Variants in ULK4 observed in about 807,000 individuals in gnomAD.
ULK4 encodes the protein inactive serine/threonine-protein kinase ULK4.
A neutral mutation model predicts 160.6 loss-of-function variants in ULK4; 133 were observed. The observed-to-expected ratio is 0.83, with a 90% CI of 0.72 to 0.96. The LOEUF is 0.96. Among genes scored for constraint, ULK4 ranks in the 40% least tolerant of loss-of-function variants. The pLI, the probability that ULK4 is intolerant of heterozygous loss-of-function variation, is 0.00. For missense variants in ULK4, 1,580 were observed against 1,499.5 expected (o/e 1.05, Z -0.89); for synonymous variants, 534 against 539.8 (o/e 0.99, Z 0.15).
At chr3:41,813,093 G>A (rs1575753272) in intron 19 of ULK4, among the ~76,000 whole-genome samples, 1 of 152,166 alleles carries the variant, frequency 6.6e-6, no homozygotes, top group East Asian at 1.9e-4. Context: ...ATTTAAAAAT[G>A]TGAGGTTCAA....
intron 32 of ULK4, 58 bp downstream of exon 32, chr3:41,565,967 A>G: frequency 1.5e-6 from 2 of 1,345,758 alleles, no homozygotes; most frequent in Non-Finnish European, 2.1e-6. Context: ...CACGCTATAT[A>G]AGATGAAGAA....
At chr3:41,802,781 T>G (rs928183232) in intron 19 of ULK4, among the ~76,000 whole-genome samples, 2 of 152,198 alleles carry the variant, frequency 1.3e-5, no homozygotes, top group African/African-American at 2.4e-5. Context: ...TGATACAAAG[T>G]TCTAACATAC....
At chr3:41,839,688 CAA>C (rs2041856528) in intron 17 of ULK4, among the ~76,000 whole-genome samples, 1 of 151,772 alleles carries the variant, frequency 6.6e-6, no homozygotes, top group Non-Finnish European at 1.5e-5. Flanking sequence ...CAGAAAGTCC[CAA>C]AGAGTCTAAA....
At chr3:41,348,205 T>TA (rs2080839330) in intron 35 of ULK4, among the ~76,000 whole-genome samples, 1 of 21,924 alleles carries the variant, frequency 4.6e-5, no homozygotes. Flanking sequence ...TAACTCTGTC[T>TA]CAAAAAAAAA....
chr3:41,773,093 G>A (rs1258366599), intron 21 of ULK4, among the ~76,000 whole-genome samples: 1 of 152,096 alleles, frequency 6.6e-6, no homozygotes, highest in Non-Finnish European at 1.5e-5. Context: ...AGCTATCTAT[G>A]ACAAACCCAC....
At chr3:41,572,020 C>A (rs2087995195) in intron 31 of ULK4, among the ~76,000 whole-genome samples, 1 of 152,184 alleles carries the variant, frequency 6.6e-6, no homozygotes, top group African/African-American at 2.4e-5. Context: ...ATGTCCTGTA[C>A]TCCACTTCAC....
intron 30 of ULK4, among the ~76,000 whole-genome samples, chr3:41,644,159 T>C (rs373243605): frequency 1.8e-3 from 268 of 152,198 alleles, no homozygotes; most frequent in African/African-American, 5.7e-3. Context: ...TTGACTTCCT[T>C]TTTTCCTAAT....
At chr3:41,935,015 TAA>T (rs1364178095) in intron 4 of ULK4, among the ~76,000 whole-genome samples, 16 of 96,478 alleles carry the variant, frequency 1.7e-4, no homozygotes, top group African/African-American at 4.6e-4. Flanking sequence ...TTTTATTTAT[TAA>T]TTTTTTTTTT....
chr3:41,909,128 G>A (rs545564404), intron 11 of ULK4, among the ~76,000 whole-genome samples: 1 of 151,304 alleles, frequency 6.6e-6, no homozygotes, highest in South Asian at 2.1e-4. Flanking sequence ...CAGCATGGTG[G>A]TGCATGCCTG....
intron 8 of ULK4, among the ~76,000 whole-genome samples, chr3:41,915,688 G>A (rs1464029343): frequency 6.6e-6 from 1 of 152,114 alleles, no homozygotes; most frequent in African/African-American, 2.4e-5. Context: ...GGATTTGGGA[G>A]TTATAAGAAA....
intron 31 of ULK4, among the ~76,000 whole-genome samples, chr3:41,592,289 G>C (rs542874318): frequency 6.6e-6 from 1 of 152,132 alleles, no homozygotes; most frequent in South Asian, 2.1e-4. Flanking sequence ...GTGAAATACA[G>C]GTGTAGAGGA....
chr3:41,409,645 C>T lies in ULK4; in HGVS notation c.3493-11381G>A, dbSNP rs541166119. ...GGAAAAGATGCTAAATAGCATTAGT[C>T]ATCAAGAAAATGCAAATTAACAGCT... On this transcript the variant is annotated intron_variant, in intron 34 of 36. Coordinates refer to ENST00000301831, the MANE Select transcript of ULK4 (RefSeq NM_017886.4). Among the ~76,000 whole-genome samples, 9 of 152,158 alleles carry T rather than the reference C, an allele frequency of 5.9e-5. No homozygotes were observed. In the South Asian group the frequency reaches 1.9e-3, roughly 32 times the overall value.
intron 17 of ULK4, among the ~76,000 whole-genome samples, chr3:41,872,710 C>T (rs574846325): frequency 7.9e-5 from 12 of 151,904 alleles, no homozygotes; most frequent in Non-Finnish European, 1.6e-4. Flanking sequence ...ATCAGAACCA[C>T]GAGCCCAGGC....
chr3:41,446,748 G>C (rs1394353998), intron 34 of ULK4, among the ~76,000 whole-genome samples: 2 of 144,414 alleles, frequency 1.4e-5, no homozygotes, highest in Non-Finnish European at 3.0e-5. Flanking sequence ...GAGGGTGGAG[G>C]GATAGCATTA....
chr3:41,343,502 C>G (rs149785822), intron 35 of ULK4, among the ~76,000 whole-genome samples: 1 of 151,500 alleles, frequency 6.6e-6, no homozygotes, highest in East Asian at 1.9e-4. Context: ...AGGGGTTTCA[C>G]CATGTTGGCC....
At chr3:41,567,685 G>A (rs4599274) in intron 31 of ULK4, among the ~76,000 whole-genome samples, 41,583 of 151,702 alleles carry the variant, frequency 0.27, 6,139 homozygotes, top group African/African-American at 0.38. Context: ...GGATGGTCTC[G>A]ATCTCTTGAC....
intron 32 of ULK4, among the ~76,000 whole-genome samples, chr3:41,557,850 A>T (rs2087359323): frequency 1.3e-5 from 2 of 152,098 alleles, no homozygotes; most frequent in South Asian, 4.1e-4. Context: ...ATTGAATGCA[A>T]AAAAAGATAC....
In ULK4 at chr3:41,871,513, T is replaced by G. The variant is rs11919797; in HGVS notation, c.1656+12361A>C. Among the ~76,000 whole-genome samples the G allele has an allele frequency of 6.7e-3, 1,025 of 152,352 alleles. 10 individuals carry two copies. The highest frequency in any genetic ancestry group is 0.024 in the African/African-American group (984 of 41,586). ...TACAGAGCTAGTTTTTCAGCATCCTTGACAGCACTTGGTGCTGCCACTATT... is the reference window on the plus strand; with the variant it reads ...TACAGAGCTAGTTTTTCAGCATCCTGGACAGCACTTGGTGCTGCCACTATT... On this transcript the variant is annotated intron_variant, in intron 17 of 36. Coordinates refer to ENST00000301831, the MANE Select transcript of ULK4 (RefSeq NM_017886.4).
chr3:41,344,965 A>G (rs1349921458), intron 35 of ULK4, among the ~76,000 whole-genome samples: 4 of 152,206 alleles, frequency 2.6e-5, no homozygotes, highest in Non-Finnish European at 5.9e-5. Flanking sequence ...AAAAGTGGGC[A>G]AAGGACATGA....
Sources: allele counts gnomAD v4.1 joint callset (sites outside exome capture counted in the v4.1 genomes callset), GRCh38; gene constraint gnomAD v4.1.1; transcripts MANE v1.5; gene names NCBI Gene and HGNC (gene_info 2026-07-23, HGNC 2026-07-21).